The following STEEP1 variants were observed in gnomAD, a reference collection of about 807,000 sequenced individuals.
The protein encoded by STEEP1 is STING ER exit protein.
STEEP1 carries 3 observed loss-of-function variants against 19.2 expected under a neutral mutation model. The observed-to-expected ratio is 0.16, with a 90% CI of 0.07 to 0.40. The LOEUF is 0.40. Ranked by LOEUF, STEEP1 falls within the 10% of genes least tolerant of loss-of-function variation. The pLI, the probability that STEEP1 is intolerant of heterozygous loss-of-function variation, is 0.99. For missense variants in STEEP1, 54 were observed against 177.1 expected (o/e 0.30, Z 3.94); for synonymous variants, 46 against 63.7 (o/e 0.72, Z 1.32).
At chrX:119,546,491 C>A (rs1427042180) in intron 2 of STEEP1, among the ~76,000 whole-genome samples, 1 of 105,844 alleles carries the variant, frequency 9.4e-6, no homozygotes, top group African/African-American at 3.4e-5. Flanking sequence ...ATCCTTACAA[C>A]AACTCTGTGA....
At chrX:119,564,263 G>A (rs996912577) in intron 1 of STEEP1, among the ~76,000 whole-genome samples, 5 of 111,609 alleles carry the variant, frequency 4.5e-5, no homozygotes, top group African/African-American at 1.3e-4. Context: ...TTGGGAGGCC[G>A]AGGCGGGTGG....
At chrX:119,543,322 G>A (rs923471140) in intron 4 of STEEP1, among the ~76,000 whole-genome samples, 4 of 110,038 alleles carry the variant, frequency 3.6e-5, no homozygotes, top group African/African-American at 6.6e-5. Context: ...TGAGTAGCTG[G>A]GATTACAGGC....
chrX:119,549,101 A>T (rs1285015034), intron 2 of STEEP1, among the ~76,000 whole-genome samples: 3 of 111,694 alleles, frequency 2.7e-5, no homozygotes, highest in Non-Finnish European at 5.6e-5. Flanking sequence ...GTTGTTGTCC[A>T]ATGGATATAA....
intron 1 of STEEP1, among the ~76,000 whole-genome samples, chrX:119,564,221 G>A (rs1319827955): frequency 8.9e-6 from 1 of 111,820 alleles, no homozygotes; most frequent in Non-Finnish European, 1.9e-5. Flanking sequence ...CTAAGGCTGG[G>A]CGCGGTGGCT....
At chrX:119,541,863 A>C (rs1466274533) in intron 5 of STEEP1, among the ~76,000 whole-genome samples, 1 of 111,696 alleles carries the variant, frequency 9.0e-6, no homozygotes, top group Non-Finnish European at 1.9e-5. Flanking sequence ...AAGGAAACTG[A>C]AATCTTTCAG....
At chrX:119,544,732 G>C (rs1269886201) in intron 3 of STEEP1, among the ~76,000 whole-genome samples, 2 of 111,729 alleles carry the variant, frequency 1.8e-5, no homozygotes, top group African/African-American at 6.5e-5. Context: ...CCTGAGATCA[G>C]GAGTTCAAGA....
intron 2 of STEEP1, among the ~76,000 whole-genome samples, chrX:119,549,730 C>T (rs1464576699): frequency 1.8e-5 from 2 of 112,108 alleles, no homozygotes; most frequent in African/African-American, 3.2e-5. Context: ...TGAGAAAGCT[C>T]GATTTTAAAA....
At chrX:119,542,085 T>A (rs2053167304) in intron 5 of STEEP1, among the ~76,000 whole-genome samples, 1 of 87,432 alleles carries the variant, frequency 1.1e-5, no homozygotes, top group African/African-American at 5.2e-5. Context: ...TTTTTTTTTT[T>A]GAGACAGAGA....
At chrX:119,549,816 A>T (rs1011034317) in intron 2 of STEEP1, among the ~76,000 whole-genome samples, 2 of 112,265 alleles carry the variant, frequency 1.8e-5, no homozygotes, top group African/African-American at 6.5e-5. Flanking sequence ...GAGCCTCATT[A>T]ATCCATTCAT....
chrX:119,543,855 A>C (rs766469366), intron 4 of STEEP1, among the ~76,000 whole-genome samples: 5 of 112,340 alleles, frequency 4.5e-5, no homozygotes, highest in Non-Finnish European at 9.4e-5. Context: ...ATAACACATG[A>C]TATCTCTCCA....
intron 2 of STEEP1, among the ~76,000 whole-genome samples, chrX:119,550,801 T>C (rs764097587): frequency 9.0e-6 from 1 of 111,609 alleles, no homozygotes; most frequent in South Asian, 3.7e-4. Context: ...CAGCTGAGAC[T>C]ACAGGTGTGC....
chrX:119,545,371 A>G lies in STEEP1; in HGVS notation c.284+92T>C. The G allele has an allele frequency of 6.9e-6, 4 of 580,716 alleles. No homozygotes were observed. The East Asian group carries it at 1.5e-4, about 22-fold the overall frequency. 47.9% of individuals were successfully genotyped at this position (580,716 alleles called of 1,213,427 possible). A position where few individuals can be genotyped will look rare whatever the true frequency, so the allele number is the denominator to read the frequency against. Reference sequence around the variant, plus strand: ...CTGTCTCAAAAAAAAAAAAAAAGACATAATGGAGAGTTGTATCCAAATAAT... The same window carrying G: ...CTGTCTCAAAAAAAAAAAAAAAGACGTAATGGAGAGTTGTATCCAAATAAT... On this transcript the variant is annotated intron_variant, in intron 3 of 6. Transcript: ENST00000644802.
At position 119,539,796 on chromosome X, in the gene STEEP1, A is replaced by G; in HGVS notation, c.607-7T>C. On this transcript the variant is annotated splice_polypyrimidine_tract_variant and splice_region_variant and intron_variant, in intron 6 of 6. Coordinates refer to ENST00000644802, the MANE Select transcript of STEEP1 (RefSeq NM_022101.4). Reference sequence around the variant, plus strand: ...TCTTGGCTTCCAATTCAGCCTAGAAAGAAAAAAAAAGCATATGTCTTGATA... The same window carrying G: ...TCTTGGCTTCCAATTCAGCCTAGAAGGAAAAAAAAAGCATATGTCTTGATA... The G allele has an allele frequency of 8.4e-7, 1 of 1,190,842 alleles. No individual in the cohort carries two copies. Among genetic ancestry groups the G allele is most frequent in the Admixed American group, 2.2e-5 (1 of 45,463 alleles).
chrX:119,544,601 A>C (rs757918077), intron 3 of STEEP1, 110 bp from the exon 4 acceptor site: 2 of 732,890 alleles, frequency 2.7e-6, no homozygotes, highest in East Asian at 6.8e-5. Flanking sequence ...GGCATAAACT[A>C]ATGACTGGCT....
intron 2 of STEEP1, among the ~76,000 whole-genome samples, chrX:119,558,942 C>T (rs190377501): frequency 1.8e-5 from 2 of 110,963 alleles, no homozygotes; most frequent in East Asian, 5.7e-4. Flanking sequence ...ATAGGCCGGG[C>T]GCAGTGGCTC....
chrX:119,545,132 T>C (rs867364517), intron 3 of STEEP1, among the ~76,000 whole-genome samples: 2 of 109,320 alleles, frequency 1.8e-5, no homozygotes, highest in Non-Finnish European at 3.8e-5. Context: ...GGTGGGCGGA[T>C]GAACTCAGGT....
intron 1 of STEEP1, among the ~76,000 whole-genome samples, chrX:119,563,877 T>C (rs1225319792): frequency 8.9e-6 from 1 of 111,890 alleles, no homozygotes; most frequent in African/African-American, 3.2e-5. Flanking sequence ...GATGAATAGT[T>C]GTACTACTGA....
Position 119,541,442 on chromosome X carries a change from C to T in STEEP1, c.514-22G>A, listed in dbSNP as rs1311375390. ...CCCTCTGAAGGAAAAAAGGAGCATC[C>T]TTAAACCGGAAGTCTCACCAAGGAA... is the stretch of plus-strand genomic sequence containing the variant. On this transcript the variant is annotated intron_variant, in intron 5 of 6. Transcript: ENST00000644802. 3 of 952,132 alleles carry T rather than the reference C, an allele frequency of 3.2e-6. No individual in the cohort carries two copies. The East Asian group carries it at 9.2e-5, about 29-fold the overall frequency. 78.5% of individuals were successfully genotyped at this position (952,132 alleles called of 1,213,427 possible).
At chrX:119,548,649 C>T (rs1195798481) in intron 2 of STEEP1, among the ~76,000 whole-genome samples, 1 of 109,805 alleles carries the variant, frequency 9.1e-6, no homozygotes, top group Non-Finnish European at 1.9e-5. Flanking sequence ...TTATGGAACA[C>T]AGTATGGGAG....
Sources: gnomAD v4.1 joint callset for allele counts (sites outside exome capture counted in the v4.1 genomes callset) on GRCh38, gnomAD v4.1.1 for gene constraint, MANE v1.5 for transcripts, NCBI Gene and HGNC (gene_info 2026-07-23, HGNC 2026-07-21) for gene names.